Variants in BRD7 observed in about 807,000 individuals in gnomAD.
BRD7 encodes bromodomain-containing protein 7.
Under a neutral mutation model 82.1 loss-of-function variants are expected in BRD7, and 15 were observed. The ratio of observed to expected loss-of-function variants is 0.18; its 90% CI spans 0.12 to 0.28. The LOEUF is 0.28. Ranked by LOEUF, BRD7 falls within the 10% of genes least tolerant of loss-of-function variation. The pLI is 1.00. For synonymous variants in BRD7, 232 were observed against 266.9 expected (o/e 0.87, Z 1.27); for missense variants, 638 against 779.9 (o/e 0.82, Z 2.17).
intron 2 of BRD7, among the ~76,000 whole-genome samples, chr16:50,361,527 G>A (rs2038936028): frequency 6.6e-6 from 1 of 152,190 alleles, no homozygotes; most frequent in Non-Finnish European, 1.5e-5. Context: ...TAAAGGAATT[G>A]AGACCACTCG....
intron 2 of BRD7, among the ~76,000 whole-genome samples, chr16:50,356,969 T>C (rs1597091259): frequency 6.6e-6 from 1 of 152,368 alleles, no homozygotes. Context: ...CTATTTTTTA[T>C]TTCTAGTATC....
intron 8 of BRD7, among the ~76,000 whole-genome samples, chr16:50,329,456 C>T (rs2037467566): frequency 6.6e-6 from 1 of 152,126 alleles, no homozygotes; most frequent in African/African-American, 2.4e-5. Flanking sequence ...TTTCTGGAAA[C>T]ATTTAAGCTG....
At chr16:50,320,823 G>T in intron 13 of BRD7, 49 bp from the exon 14 acceptor site, 1 of 1,305,096 alleles carries the variant, frequency 7.7e-7, no homozygotes. Context: ...CTAAGCCACA[G>T]CAGTGTTAAC....
At chr16:50,368,690 G>A (rs773426359) in intron 1 of BRD7, 36 bp downstream of exon 1, 15 of 1,533,228 alleles carry the variant, frequency 9.8e-6, no homozygotes, top group East Asian at 8.4e-5. Flanking sequence ...CAGAGCCGCC[G>A]AGGGCCCGCC....
chr16:50,358,239 T>C (rs1200260370), intron 2 of BRD7, among the ~76,000 whole-genome samples: 4 of 152,184 alleles, frequency 2.6e-5, no homozygotes, highest in Admixed American at 2.0e-4. Context: ...TAAAACACTC[T>C]GCTGGCTGGA....
chr16:50,325,814 C>T lies in BRD7; in HGVS notation c.1265G>A (p.Ser422Asn). ...PHYDSTFANI[S>N]KDDSDLIYST... is the part of the protein sequence containing the mutation. ...ATAGATTAAATCAGAATCATCCTTG[C>T]TGATATTTGCAAATGTGGAGTCATA... Residue 422 changes from serine to asparagine, a missense_variant, in exon 11 of 17, where the codon AGC becomes AAC. Around this residue, in one of 3 missense-constraint regions of BRD7, gnomAD observed 402 missense variants for 500.8 expected, o/e 0.80. Coordinates refer to ENST00000394688, the MANE Select transcript of BRD7 (RefSeq NM_013263.5). 5 of 1,612,236 alleles carry T rather than the reference C, an allele frequency of 3.1e-6. No homozygotes were observed. The highest frequency in any genetic ancestry group is 4.2e-6 in the Non-Finnish European group (5 of 1,179,290).
intron 2 of BRD7, among the ~76,000 whole-genome samples, chr16:50,366,878 T>C (rs2039169075): frequency 6.6e-6 from 1 of 152,220 alleles, no homozygotes; most frequent in Non-Finnish European, 1.5e-5. Context: ...AGGAAAACTT[T>C]TTCCATTTTG....
intron 5 of BRD7, among the ~76,000 whole-genome samples, chr16:50,343,642 A>G (rs1410346635): frequency 1.3e-5 from 2 of 152,158 alleles, no homozygotes; most frequent in Non-Finnish European, 2.9e-5. Flanking sequence ...TGCAAATGGC[A>G]CACCAGATTA....
rs1389922152 is a variant in BRD7 at position 50,317,950 on chromosome 16, G to A, written c.*1261C>T. On this transcript the variant is annotated 3_prime_UTR_variant, in exon 17 of 17. Coordinates refer to ENST00000394688, the MANE Select transcript of BRD7 (RefSeq NM_013263.5). ...AAGATCATTAACCACTGTATACTTT[G>A]TGTATATAATAGGTCAGTGTAAAGA... 6.6e-6 allele frequency: 1 copy of A among 152,270 alleles called. No homozygotes were observed. The highest frequency in any genetic ancestry group is 1.5e-5 in the Non-Finnish European group (1 of 68,018). 9.4% of individuals were successfully genotyped at this position (152,270 alleles called of 1,614,324 possible).
chr16:50,320,575 T>C lies in BRD7; in HGVS notation c.1612+88A>G, dbSNP rs1260734888. 1.2e-5 allele frequency: 17 copies of C among 1,371,040 alleles called. 1 individual carries two copies. Among genetic ancestry groups the C allele is most frequent in the Middle Eastern group, 1.8e-4 (1 of 5,596 alleles). 84.9% of individuals were successfully genotyped at this position (1,371,040 alleles called of 1,614,324 possible). ...TAAGCCAAGATCTTCCTGTGGTGAA[T>C]GGCTATGTTAATCTGTACTTATGAG... is the stretch of plus-strand genomic sequence containing the variant. On this transcript the variant is annotated intron_variant, in intron 14 of 16. Coordinates refer to ENST00000394688, the MANE Select transcript of BRD7 (RefSeq NM_013263.5).
At chr16:50,334,617 C>G in intron 7 of BRD7, 94 bp downstream of exon 7, 1 of 1,450,456 alleles carries the variant, frequency 6.9e-7, no homozygotes, top group Non-Finnish European at 9.3e-7. Context: ...CACACTAGCA[C>G]TTGGTCTTCC....
At chr16:50,350,660 G>A (rs772680062) in intron 4 of BRD7, among the ~76,000 whole-genome samples, 2 of 152,076 alleles carry the variant, frequency 1.3e-5, no homozygotes, top group African/African-American at 2.4e-5. Flanking sequence ...GTATGTGGGG[G>A]ATGCTAAAAA....
chr16:50,349,424 TAA>T, intron 5 of BRD7: 152 of 315,774 alleles, frequency 4.8e-4, no homozygotes, highest in Middle Eastern at 1.2e-3. Context: ...GTAAACCATC[TAA>T]AAAAAAAAAA....
chr16:50,329,602 G>A (rs1056893760), intron 8 of BRD7, among the ~76,000 whole-genome samples: 2 of 152,164 alleles, frequency 1.3e-5, no homozygotes, highest in Admixed American at 1.3e-4. Context: ...GCCTGTGCGT[G>A]AGTACAAGGA....
intron 7 of BRD7, among the ~76,000 whole-genome samples, chr16:50,334,385 G>C (rs1242130140): frequency 6.6e-6 from 1 of 152,200 alleles, no homozygotes; most frequent in Non-Finnish European, 1.5e-5. Flanking sequence ...AGGAGGTAAT[G>C]ACTATGCATT....
At chr16:50,337,355 G>C (rs1158384540) in intron 6 of BRD7, among the ~76,000 whole-genome samples, 3 of 148,964 alleles carry the variant, frequency 2.0e-5, no homozygotes, top group African/African-American at 2.5e-5. Context: ...CCACCTCCCA[G>C]GTTCAAGCGA....
intron 11 of BRD7, among the ~76,000 whole-genome samples, chr16:50,324,131 C>T (rs939847471): frequency 2.6e-5 from 4 of 152,116 alleles, no homozygotes; most frequent in African/African-American, 4.8e-5. Flanking sequence ...AATGCTAGAT[C>T]TTCCCCCCAA....
At chr16:50,323,752 C>G in intron 11 of BRD7, 54 bp from the exon 12 acceptor site, 2 of 1,345,860 alleles carry the variant, frequency 1.5e-6, no homozygotes, top group African/African-American at 1.4e-5. Context: ...TGGCTTTATC[C>G]TCCCATCAGA....
At chr16:50,335,982 G>C (rs1384385284) in intron 6 of BRD7, among the ~76,000 whole-genome samples, 1 of 152,128 alleles carries the variant, frequency 6.6e-6, no homozygotes, top group Non-Finnish European at 1.5e-5. Context: ...TCCTCCTAAT[G>C]TCTCATCCAG....
Sources: gnomAD v4.1 joint callset for allele counts (sites outside exome capture counted in the v4.1 genomes callset) on GRCh38, gnomAD v4.1.1 for gene constraint, gnomAD v4.1.1 regional missense constraint, MANE v1.5 for transcripts, NCBI Gene and HGNC (gene_info 2026-07-23, HGNC 2026-07-21) for gene names.